The following ATP5PF variants were observed in gnomAD, a reference collection of about 807,000 sequenced individuals.
The protein encoded by ATP5PF is ATP synthase peripheral stalk subunit F6, mitochondrial.
In ATP5PF, 7 loss-of-function variants were observed where a neutral mutation model predicts 12.0. The ratio of observed to expected loss-of-function variants is 0.58; its 90% CI spans 0.33 to 1.10. ATP5PF has a LOEUF of 1.10. Among genes scored for constraint, ATP5PF ranks in the 50% least tolerant of loss-of-function variants. ATP5PF has a pLI of 0.03. For synonymous variants in ATP5PF, 41 were observed against 45.4 expected, an observed-to-expected ratio of 0.90 and a Z score of 0.39; for missense variants, 120 against 127.7, an observed-to-expected ratio of 0.94 and a Z score of 0.29.
In ATP5PF at chr21:25,734,880, C is replaced by G. The variant is rs2034962468; in HGVS notation, c.-35G>C. ...TGCACTCAGTCCCGAGCTGCCAAAG[C>G]CTCCGCCGCCACCACCTCCGCTCTA... On this transcript the variant is annotated 5_prime_UTR_variant, in exon 1 of 4. Transcript: ENST00000284971. 2 of 1,548,910 alleles carry G rather than the reference C, an allele frequency of 1.3e-6. No homozygotes were observed. Among genetic ancestry groups the G allele is most frequent in the Non-Finnish European group, 8.7e-7 (1 of 1,150,150 alleles).
chr21:25,725,037 T>C lies in ATP5PF; in HGVS notation c.289+189A>G, dbSNP rs770993005. 1.7e-5 allele frequency: 12 copies of C among 717,880 alleles called. No individual in the cohort carries two copies. The East Asian group carries it at 2.3e-4, about 14-fold the overall frequency. The allele number at this position is 717,880 out of a possible 1,614,324, so 44.5% of individuals were successfully genotyped here. A position where few individuals can be genotyped will look rare whatever the true frequency, so the allele number is the denominator to read the frequency against. On this transcript the variant is annotated intron_variant, in intron 3 of 3. Coordinates refer to ENST00000284971, the MANE Select transcript of ATP5PF (RefSeq NM_001003703.2). ...TCAGATCCCCACCATTTAATCACTA[T>C]GTTATGTGATCTCCTATACTGCTCT...
chr21:25,734,950 A>G (rs751499595), upstream of ATP5PF: 6 of 1,575,632 alleles, frequency 3.8e-6, no homozygotes, highest in South Asian at 5.8e-5. Flanking sequence ...CGCCATCGCA[A>G]TGCATTATGG....
At chr21:25,734,511 G>A in intron 1 of ATP5PF, 2 of 625,296 alleles carry the variant, frequency 3.2e-6, no homozygotes, top group Non-Finnish European at 4.2e-6. Context: ...AGACGCTCCC[G>A]TGCGCCCGGG....
chr21:25,735,258 C>T (rs113359903), upstream of ATP5PF: 33 of 514,996 alleles, frequency 6.4e-5, no homozygotes, highest in African/African-American at 5.8e-4. Context: ...TATAAAGGTG[C>T]AGGGAAAGTG....
At chr21:25,735,034 G>A (rs1280601159), upstream of ATP5PF, 3 of 1,471,898 alleles carry the variant, frequency 2.0e-6, no homozygotes, top group Non-Finnish European at 9.2e-7. Context: ...GACGGGTCTA[G>A]GTGAGACAGA....
chr21:25,727,256 A>C (rs565776290), intron 2 of ATP5PF, among the ~76,000 whole-genome samples: 14 of 152,308 alleles, frequency 9.2e-5, no homozygotes, highest in Non-Finnish European at 1.9e-4. Flanking sequence ...TTTAACTTTA[A>C]TATGCACTCT....
At chr21:25,724,852 T>G (rs2034575195) in intron 3 of ATP5PF, 175 bp from the exon 4 acceptor site, 2 of 659,002 alleles carry the variant, frequency 3.0e-6, no homozygotes, top group African/African-American at 1.9e-5. Flanking sequence ...GAGCCATGCA[T>G]TCCATTAATT....
In ATP5PF at chr21:25,724,555, A is replaced by T; in HGVS notation, c.*85T>A. The T allele has an allele frequency of 7.1e-7, 1 of 1,412,654 alleles. No homozygotes were observed. The highest frequency in any genetic ancestry group is 2.3e-5 in the East Asian group (1 of 43,086). The allele number at this position is 1,412,654 out of a possible 1,614,324, so 87.5% of individuals were successfully genotyped here. A position where few individuals can be genotyped will look rare whatever the true frequency, so the allele number is the denominator to read the frequency against. ...AGAATTAAAAGAACATTTGACAGTTATGAAATGCATGTTTATTCTGAAACT... is the reference window on the plus strand; with the variant it reads ...AGAATTAAAAGAACATTTGACAGTTTTGAAATGCATGTTTATTCTGAAACT... On this transcript the variant is annotated 3_prime_UTR_variant, in exon 4 of 4. Coordinates refer to ENST00000284971, the MANE Select transcript of ATP5PF (RefSeq NM_001003703.2).
chr21:25,731,358 G>A lies in ATP5PF; in HGVS notation c.-7-1557C>T, dbSNP rs556303717. On this transcript the variant is annotated intron_variant, in intron 1 of 3. Transcript: ENST00000284971. ...GGCTTGCCAAACCCCATATTGGAAC[G>A]GTGACAAAAGGCTCACAATGCACCA... Among the ~76,000 whole-genome samples, 22 of 152,192 alleles carry A rather than the reference G, an allele frequency of 1.4e-4. 1 individual carries two copies. The South Asian group carries it at 2.7e-3, about 19-fold the overall frequency.
rs967421652 is a variant in ATP5PF, at chr21:25,734,524, G to C, written c.-8+329C>G. 3 of 549,324 alleles carry C rather than the reference G, an allele frequency of 5.5e-6. No homozygotes were observed. The Admixed American group carries it at 1.5e-4, about 28-fold the overall frequency. The allele number at this position is 549,324 out of a possible 1,614,324, so 34.0% of individuals were successfully genotyped here. On this transcript the variant is annotated intron_variant, in intron 1 of 3. Transcript: ENST00000284971. ...CTAGACGCTCCCGTGCGCCCGGGGC[G>C]GGTAGGCCTGGCCGAAAATCTCTCC...
chr21:25,735,128 A>C (rs1334794443), upstream of ATP5PF: 1 of 702,914 alleles, frequency 1.4e-6, no homozygotes, highest in Non-Finnish European at 2.5e-6. Flanking sequence ...GCCTAATTTG[A>C]CCCGTTCTTT....
chr21:25,729,585 A>G (rs2123447688), intron 2 of ATP5PF, 46 bp downstream of exon 2: 4 of 1,489,518 alleles, frequency 2.7e-6, no homozygotes, highest in Non-Finnish European at 3.6e-6. Context: ...TGAAACTTAC[A>G]TACTTTGAAT....
chr21:25,730,736 C>CAAAAAAAAAAAAAAAAAAAAAA lies in ATP5PF; in HGVS notation c.-7-957_-7-936dup, dbSNP rs71183508. Among the ~76,000 whole-genome samples the CAAAAAAAAAAAAAAAAAAAAAA allele has an allele frequency of 4.1e-4, 13 of 31,894 alleles. 2 individuals are homozygous for CAAAAAAAAAAAAAAAAAAAAAA. The highest frequency in any genetic ancestry group is 8.1e-4 in the Admixed American group (2 of 2,480). 20.9% of individuals were successfully genotyped at this position (31,894 alleles called of 152,430 possible). ...GCAACAAGAGCAAGACTCCGTCTCA[C>CAAAAAAAAAAAAAAAAAAAAAA]AAAAAAAAAAAAAAAAAAAAAAAAA... On this transcript the variant is annotated intron_variant, in intron 1 of 3. Coordinates refer to ENST00000284971, the MANE Select transcript of ATP5PF (RefSeq NM_001003703.2).
intron 2 of ATP5PF, among the ~76,000 whole-genome samples, chr21:25,728,993 T>A (rs1826514348): frequency 7.4e-6 from 1 of 134,628 alleles, no homozygotes; most frequent in South Asian, 2.2e-4. Context: ...TCACTGTTCC[T>A]AAGATTTGGG....
At chr21:25,726,223 T>A (rs759160510) in intron 2 of ATP5PF, among the ~76,000 whole-genome samples, 2 of 152,264 alleles carry the variant, frequency 1.3e-5, no homozygotes, top group Non-Finnish European at 2.9e-5. Context: ...CTTAGACTTT[T>A]AAGTTTCTAC....
intron 3 of ATP5PF, 95 bp from the exon 4 acceptor site, chr21:25,724,772 T>A: frequency 1.6e-6 from 2 of 1,285,184 alleles, no homozygotes; most frequent in Non-Finnish European, 2.2e-6. Context: ...ATTTTCTGAT[T>A]TTTTTAGTAA....
In ATP5PF at chr21:25,729,696, A is replaced by G; in HGVS notation, c.99T>C (p.Asn33=). 3.1e-6 allele frequency: 5 copies of G among 1,613,982 alleles called. No individual in the cohort carries two copies. The highest frequency in any genetic ancestry group is 4.2e-6 in the Non-Finnish European group (5 of 1,179,998). Residue 33 remains asparagine, a synonymous_variant, in exon 2 of 4, where the codon AAT becomes AAC. Transcript: ENST00000284971. ...GTTTCTGTATAGGATCAAGTTCCTT[A>G]TTAAATGCCACTGCTGTAACACCAA... ...RNIGVTAVAF[N]KELDPIQKLF...
In ATP5PF at chr21:25,734,892, C is replaced by T. The variant is rs1380752567; in HGVS notation, c.-47G>A. 2.6e-6 allele frequency: 4 copies of T among 1,557,114 alleles called. No homozygotes were observed. Among genetic ancestry groups the T allele is most frequent in the South Asian group, 1.2e-5 (1 of 84,852 alleles). ...CGAGCTGCCAAAGCCTCCGCCGCCA[C>T]CACCTCCGCTCTACTTCCGGCCCTG... is the stretch of plus-strand genomic sequence containing the variant. On this transcript the variant is annotated 5_prime_UTR_variant, in exon 1 of 4. The change creates a new upstream start codon in the 5' untranslated region. Transcript: ENST00000284971.
At chr21:25,732,985 CA>C (rs370858284) in intron 1 of ATP5PF, among the ~76,000 whole-genome samples, 275 of 47,768 alleles carry the variant, frequency 5.8e-3, no homozygotes, top group African/African-American at 0.022. Flanking sequence ...AACTCTGTCT[CA>C]AAAAAAAAAA....
Sources: gnomAD v4.1 joint callset for allele counts (sites outside exome capture counted in the v4.1 genomes callset) on GRCh38, gnomAD v4.1.1 for gene constraint, MANE v1.5 for transcripts, NCBI Gene and HGNC (gene_info 2026-07-23, HGNC 2026-07-21) for gene names.